NAV3: variants seen among roughly 807,000 people sequenced by gnomAD.
The protein encoded by NAV3 is neuron navigator 3.
In NAV3, 87 loss-of-function variants were observed where a neutral mutation model predicts 244.7. The observed-to-expected ratio is 0.36, with a 90% CI of 0.30 to 0.42. NAV3 has a LOEUF of 0.42. NAV3 is among the 20% of genes least tolerant of loss of function. The pLI is 1.00. For synonymous variants in NAV3, 1,126 were observed against 1,042.2 expected (o/e 1.08, Z -1.55); for missense variants, 2,663 against 2,893.3 (o/e 0.92, Z 1.83).
intron 2 of NAV3, among the ~76,000 whole-genome samples, chr12:77,690,753 T>C (rs1165690869): frequency 1.4e-5 from 2 of 148,056 alleles, no homozygotes; most frequent in Admixed American, 6.7e-5. Context: ...ATTTTATATA[T>C]GTATTTATTT....
In NAV3 at chr12:77,867,454, C is replaced by G. The variant is rs1373596484; in HGVS notation, c.243+35750C>G. ...TTTGTTTTTGAGACGGAGTCTCGCT[C>G]TGTCACACAGGCTGGAGTGCAGTGG... is the stretch of plus-strand genomic sequence containing the variant. On this transcript the variant is annotated intron_variant, in intron 1 of 39. Coordinates refer to ENST00000397909, the MANE Select transcript of NAV3 (RefSeq NM_001024383.2). Among the ~76,000 whole-genome samples the G allele has an allele frequency of 2.6e-5, 4 of 152,128 alleles. No homozygotes were observed. The East Asian group carries it at 7.7e-4, about 29-fold the overall frequency.
intron 2 of NAV3, among the ~76,000 whole-genome samples, chr12:77,678,409 C>T (rs1438240686): frequency 6.6e-6 from 1 of 152,044 alleles, no homozygotes; most frequent in Non-Finnish European, 1.5e-5. Flanking sequence ...CTATGGAAAT[C>T]TTAGATTTTG....
intron 2 of NAV3, among the ~76,000 whole-genome samples, chr12:77,735,798 T>C (rs1398512740): frequency 6.6e-6 from 1 of 152,162 alleles, no homozygotes; most frequent in East Asian, 1.9e-4. Context: ...CTTAATAGAA[T>C]GAATGGAATG....
At chr12:77,736,168 C>T (rs912237097) in intron 2 of NAV3, among the ~76,000 whole-genome samples, 18 of 152,094 alleles carry the variant, frequency 1.2e-4, no homozygotes, top group Non-Finnish European at 2.5e-4. Flanking sequence ...CTTTAAAAGC[C>T]AACCTTATTT....
chr12:77,843,500 G>A (rs1422343972), intron 1 of NAV3, among the ~76,000 whole-genome samples: 1 of 150,992 alleles, frequency 6.6e-6, no homozygotes, highest in Non-Finnish European at 1.5e-5. Context: ...AAGAACCTGG[G>A]GTTCTTTGAA....
chr12:77,667,965 A>G (rs769551535), intron 2 of NAV3, among the ~76,000 whole-genome samples: 11 of 152,210 alleles, frequency 7.2e-5, no homozygotes, highest in Non-Finnish European at 1.6e-4. Context: ...GACAGATCAC[A>G]TCACAGCGTT....
intron 34 of NAV3, among the ~76,000 whole-genome samples, chr12:78,192,375 ATTTT>A (rs1270416052): frequency 6.6e-6 from 1 of 151,324 alleles, no homozygotes; most frequent in African/African-American, 2.4e-5. Flanking sequence ...AACTGTTTTT[ATTTT>A]TTTATTTTTT....
At chr12:77,680,977 G>C (rs527830465) in intron 2 of NAV3, among the ~76,000 whole-genome samples, 5 of 152,066 alleles carry the variant, frequency 3.3e-5, no homozygotes, top group Non-Finnish European at 5.9e-5. Context: ...TCCGATTTTG[G>C]GGGGAGGGGC....
chr12:78,093,064 T>C (rs1284009053), intron 12 of NAV3, among the ~76,000 whole-genome samples: 1 of 152,200 alleles, frequency 6.6e-6, no homozygotes, highest in Non-Finnish European at 1.5e-5. Context: ...TGTTCATCTT[T>C]ATAAGACCTG....
chr12:77,617,025 T>G (rs1357880853), intron 2 of NAV3, among the ~76,000 whole-genome samples: 2 of 152,222 alleles, frequency 1.3e-5, no homozygotes, highest in African/African-American at 4.8e-5. Context: ...ATCTTTTCTA[T>G]TCTTGTGAGT....
At chr12:77,820,127 G>T (rs1341797546) in intron 2 of NAV3, among the ~76,000 whole-genome samples, 3 of 151,776 alleles carry the variant, frequency 2.0e-5, no homozygotes, top group Admixed American at 6.6e-5. Context: ...CACTATTCTG[G>T]TAAGAAGCAG....
At chr12:77,658,351 A>G (rs1280902750) in intron 2 of NAV3, among the ~76,000 whole-genome samples, 1 of 151,002 alleles carries the variant, frequency 6.6e-6, no homozygotes, top group Non-Finnish European at 1.5e-5. Context: ...GTGAACTCCC[A>G]TTCACAATTG....
intron 2 of NAV3, among the ~76,000 whole-genome samples, chr12:77,650,254 C>G (rs1872765774): frequency 1.3e-5 from 2 of 152,064 alleles, no homozygotes; most frequent in Admixed American, 1.3e-4. Context: ...GTTTTAATAT[C>G]TTTAAAGAAG....
chr12:78,110,859 C>G (rs2853472), intron 12 of NAV3, among the ~76,000 whole-genome samples: 93,196 of 151,888 alleles, frequency 0.61, 28,786 homozygotes, highest in Non-Finnish European at 0.65. Context: ...GAAATCCTGT[C>G]ATTTGCAGCA....
At chr12:78,020,430 T>G (rs1397854311) in intron 8 of NAV3, among the ~76,000 whole-genome samples, 1 of 152,194 alleles carries the variant, frequency 6.6e-6, no homozygotes, top group African/African-American at 2.4e-5. Flanking sequence ...TTGTTTATGC[T>G]CTTTATATTC....
intron 2 of NAV3, among the ~76,000 whole-genome samples, chr12:77,585,486 A>G (rs1462712339): frequency 4.1e-5 from 4 of 98,606 alleles, no homozygotes; most frequent in African/African-American, 1.4e-4. Context: ...TAAGAAAGGA[A>G]AAAGACAAAA....
intron 2 of NAV3, among the ~76,000 whole-genome samples, chr12:77,663,826 T>C (rs1307189850): frequency 6.6e-6 from 1 of 152,248 alleles, no homozygotes; most frequent in Admixed American, 6.5e-5. Context: ...CAGCCAGCAG[T>C]ATTTCTTTTA....
At chr12:77,772,786 C>T (rs924630906) in intron 2 of NAV3, among the ~76,000 whole-genome samples, 1 of 152,112 alleles carries the variant, frequency 6.6e-6, no homozygotes, top group Non-Finnish European at 1.5e-5. Context: ...TTTAGAATGA[C>T]CGTCAATGGC....
chr12:78,045,647 G>A (rs903089518), intron 9 of NAV3, among the ~76,000 whole-genome samples: 4 of 152,058 alleles, frequency 2.6e-5, no homozygotes, highest in African/African-American at 7.2e-5. Flanking sequence ...ATGTGATTGT[G>A]GATTTTTACA....
Sources: allele counts gnomAD v4.1 joint callset (sites outside exome capture counted in the v4.1 genomes callset), GRCh38; gene constraint gnomAD v4.1.1; transcripts MANE v1.5; gene names NCBI Gene and HGNC (gene_info 2026-07-23, HGNC 2026-07-21).